HCN2: variants seen among roughly 807,000 people sequenced by gnomAD.
The protein encoded by HCN2 is potassium/sodium hyperpolarization-activated cyclic nucleotide-gated channel 2.
In HCN2, 20 loss-of-function variants were observed where a neutral mutation model predicts 52.3. The ratio of observed to expected loss-of-function variants is 0.38; its 90% CI spans 0.27 to 0.56. The LOEUF is 0.56. HCN2 is among the 20% of genes least tolerant of loss of function. The probability of loss-of-function intolerance (pLI) is 0.71; values close to 1 mark genes in which losing one functional copy is unlikely to be tolerated. For synonymous variants in HCN2, 694 were observed against 537.0 expected, an observed-to-expected ratio of 1.29 and a Z score of -4.04; for missense variants, 981 against 1,207.7, an observed-to-expected ratio of 0.81 and a Z score of 2.78.
chr19:610,918 C>CT (rs1213044106), intron 5 of HCN2, among the ~76,000 whole-genome samples: 3 of 152,204 alleles, frequency 2.0e-5, no homozygotes, highest in African/African-American at 7.2e-5. Context: ...CGTGCTACCC[C>CT]CCCGGAGCCC....
At chr19:612,663 C>T (rs1283766821) in intron 5 of HCN2, among the ~76,000 whole-genome samples, 4 of 152,104 alleles carry the variant, frequency 2.6e-5, no homozygotes, top group Non-Finnish European at 2.9e-5. Flanking sequence ...GATCCACCCA[C>T]CTTGGCCTCC....
chr19:595,218 C>T (rs187662643), intron 1 of HCN2, among the ~76,000 whole-genome samples: 1 of 151,846 alleles, frequency 6.6e-6, no homozygotes, highest in Non-Finnish European at 1.5e-5. Flanking sequence ...ATAAAAAAAA[C>T]CTAAAAACCC....
rs1402881747 is a variant in HCN2 at position 616,685 on chromosome 19, A to C, written c.*211A>C. On this transcript the variant is annotated 3_prime_UTR_variant, in exon 8 of 8. Transcript: ENST00000251287. ...CCCTCATCGCCCCGCGCCCACCCCC[A>C]TCGCCCCTGCCCCCGGCGGCGGCCT... is the stretch of plus-strand genomic sequence containing the variant. 133 of 98,940 alleles carry C rather than the reference A, an allele frequency of 1.3e-3. No individual in the cohort carries two copies. Among genetic ancestry groups the C allele is most frequent in the South Asian group, 2.4e-3 (5 of 2,064 alleles). 6.1% of individuals were successfully genotyped at this position (98,940 alleles called of 1,614,324 possible).
rs1480091739 is a variant in HCN2, at chr19:589,909, G to T, written c.-37G>T. The T allele has an allele frequency of 4.6e-6, 4 of 865,208 alleles. No individual in the cohort carries two copies. In the African/African-American group the frequency reaches 6.1e-5, roughly 13 times the overall value. The allele number at this position is 865,208 out of a possible 1,614,324, so 53.6% of individuals were successfully genotyped here. On this transcript the variant is annotated 5_prime_UTR_variant, in exon 1 of 8. Transcript: ENST00000251287. ...TCGGGCTCCGGCCGGCGGCGGCGGC[G>T]GCGGCTCCGCTCCGCACTGCCCGGC...
At position 592,903 on chromosome 19, in the gene HCN2, C is replaced by T. The variant is rs1982914413; in HGVS notation, c.632+2326C>T. ...GGCTTCGGGCCCAAGGCCTCCTGTG[C>T]CTGGCTGGGTGTCTTGGGTCCTCGC... On this transcript the variant is annotated intron_variant, in intron 1 of 7. Transcript: ENST00000251287. This position sits in a 1 kb window ranked among gnomAD's most constrained non-coding sequence, Gnocchi z 4.8. 6.6e-6 allele frequency among the ~76,000 whole-genome samples: 1 copy of T among 152,194 alleles called. No individual in the cohort carries two copies. Among genetic ancestry groups the T allele is most frequent in the Non-Finnish European group, 1.5e-5 (1 of 68,032 alleles).
At chr19:613,184 G>T in intron 5 of HCN2, 64 bp from the exon 6 acceptor site, 1 of 1,536,350 alleles carries the variant, frequency 6.5e-7, no homozygotes, top group Non-Finnish European at 8.8e-7. Context: ...CGGTCCCAGA[G>T]GCAGGGCGAG....
chr19:605,912 C>T (rs1285513000), intron 3 of HCN2, among the ~76,000 whole-genome samples: 2 of 152,188 alleles, frequency 1.3e-5, no homozygotes, highest in East Asian at 1.9e-4. Context: ...CCCAGGACTG[C>T]AGCCCCGGCA....
intron 1 of HCN2, among the ~76,000 whole-genome samples, chr19:600,668 A>T (rs1032142533): frequency 6.6e-6 from 1 of 151,784 alleles, no homozygotes; most frequent in East Asian, 1.9e-4. Context: ...TTTAGTAGAG[A>T]CGGGGTTTCA....
chr19:613,367 T>A lies in HCN2; in HGVS notation c.1704T>A (p.Gly568=), dbSNP rs1453631984. The change falls in exon 6 of 8, where the codon GGT becomes GGA. Residue 568 remains glycine (G), a synonymous_variant. Transcript: ENST00000251287. ...TKLKFEVFQP[G]DYIIREGTIG... Reference sequence around the variant, plus strand: ...TCAAGTTCGAGGTCTTCCAGCCGGGTGACTACATCATCCGCGAAGGCACCA... The same window carrying A: ...TCAAGTTCGAGGTCTTCCAGCCGGGAGACTACATCATCCGCGAAGGCACCA... The A allele has an allele frequency of 1.9e-6, 3 of 1,612,766 alleles. No homozygotes were observed. In the African/African-American group the frequency reaches 4.0e-5, roughly 22 times the overall value.
At chr19:603,168 G>T (rs1168181003) in intron 1 of HCN2, among the ~76,000 whole-genome samples, 2 of 122,990 alleles carry the variant, frequency 1.6e-5, no homozygotes, top group African/African-American at 3.1e-5. Context: ...AGGGCCCGGG[G>T]CTGGTCCCAT....
In HCN2 at chr19:590,307, C is replaced by T; in HGVS notation, c.362C>T (p.Pro121Leu). Residue 121 changes from proline (P) to leucine (L), a missense_variant, in exon 1 of 8, where the codon CCC becomes CTC. Physicochemically the swap from Pro to Leu is moderately conservative, Grantham distance 98. Coordinates refer to ENST00000251287, the MANE Select transcript of HCN2 (RefSeq NM_001194.4). This position sits in a 1 kb window ranked among gnomAD's most constrained non-coding sequence, Gnocchi z 7.2. Reference protein sequence around the residue: ...PAGPEGPARGPKVSFSCRGAA... With the variant: ...PAGPEGPARGLKVSFSCRGAA... ...GGGCCCGAGGGCCCGGCGCGGGGGC[C>T]CAAGGTGTCGTTCTCGTGCCGCGGG... 1 of 1,008,384 alleles carries T rather than the reference C, an allele frequency of 9.9e-7. No homozygotes were observed. Among genetic ancestry groups the T allele is most frequent in the South Asian group, 4.5e-5 (1 of 22,322 alleles). 62.5% of individuals were successfully genotyped at this position (1,008,384 alleles called of 1,614,324 possible).
In HCN2 at chr19:603,913, C is replaced by T. The variant is rs760013170; in HGVS notation, c.1002C>T (p.Leu334=). 6.2e-7 allele frequency: 1 copy of T among 1,611,666 alleles called. No individual in the cohort carries two copies. The highest frequency in any genetic ancestry group is 8.5e-7 in the Non-Finnish European group (1 of 1,179,732). Residue 334 remains leucine, a synonymous_variant, in exon 2 of 8, where the codon CTC becomes CTT. Transcript: ENST00000251287. The part of the protein sequence containing the change: ...RIVRFTKILS[L]LRLLRLSRLI... ...TGCGCTTCACCAAGATCCTCAGCCT[C>T]CTGCGGCTGCTGCGCCTCTCACGCC...
intron 1 of HCN2, among the ~76,000 whole-genome samples, chr19:599,130 G>A (rs970124015): frequency 3.9e-5 from 6 of 152,274 alleles, no homozygotes; most frequent in African/African-American, 7.2e-5. Context: ...CCCTTCCAGC[G>A]TTTGGCTCTT....
At chr19:604,941 G>T in intron 2 of HCN2, 120 bp from the exon 3 acceptor site, 1 of 1,107,092 alleles carries the variant, frequency 9.0e-7, no homozygotes, top group Non-Finnish European at 1.3e-6. Context: ...GTCCTGTGCG[G>T]GGCCTTGGAT....
At chr19:599,847 CGTGTGTGTGTGTGTGTGTGTGTGT>C (rs34793549) in intron 1 of HCN2, among the ~76,000 whole-genome samples, 5 of 133,302 alleles carry the variant, frequency 3.8e-5, no homozygotes, top group African/African-American at 1.2e-4. Context: ...GAAGGGGTCC[CGTGTGTGTGTGTGTGTGTGTGTGT>C]GTGTGTGTGT....
intron 7 of HCN2, among the ~76,000 whole-genome samples, chr19:615,460 G>A (rs1983856053): frequency 6.6e-6 from 1 of 152,214 alleles, no homozygotes; most frequent in South Asian, 2.1e-4. Context: ...CTTGCAGTGG[G>A]CCGAGATCGC....
intron 4 of HCN2, among the ~76,000 whole-genome samples, chr19:609,167 A>T (rs1364971859): frequency 6.6e-6 from 1 of 152,044 alleles, no homozygotes; most frequent in Non-Finnish European, 1.5e-5. Flanking sequence ...AGCTGGTGCC[A>T]CCACCCGCCC....
In HCN2 at chr19:614,213, C is replaced by T. The variant is rs1222386342; in HGVS notation, c.1990+197C>T. ...AGGGGCGTGGCTGGGGCAGGGGCAG[C>T]GGCTGGCCGCTCCTAGGACCCCTTT... On this transcript the variant is annotated intron_variant, in intron 7 of 7. Transcript: ENST00000251287. Among the ~76,000 whole-genome samples, 10 of 152,238 alleles carry T rather than the reference C, an allele frequency of 6.6e-5. No homozygotes were observed. The Middle Eastern group carries it at 0.01, about 155-fold the overall frequency.
Position 608,294 on chromosome 19 carries a change from C to T in HCN2, c.1437+112C>T, listed in dbSNP as rs1374796822. ...GGGGTCTGATGGAGGGAGGCAGGCC[C>T]GGTCCTGGGGTCTGAGGCTGGAGGG... is the stretch of plus-strand genomic sequence containing the variant. On this transcript the variant is annotated intron_variant, in intron 4 of 7. Coordinates refer to ENST00000251287, the MANE Select transcript of HCN2 (RefSeq NM_001194.4). 43 of 961,732 alleles carry T rather than the reference C, an allele frequency of 4.5e-5. No individual in the cohort carries two copies. The East Asian group carries it at 6.0e-4, about 13-fold the overall frequency. 59.6% of individuals were successfully genotyped at this position (961,732 alleles called of 1,614,324 possible).
Sources: gnomAD v4.1 joint callset for allele counts (sites outside exome capture counted in the v4.1 genomes callset) on GRCh38, gnomAD v4.1.1 for gene constraint, Gnocchi (gnomAD v3.1) non-coding constraint, MANE v1.5 for transcripts, NCBI Gene and HGNC (gene_info 2026-07-23, HGNC 2026-07-21) for gene names.